The following BBOF1 variants were observed in gnomAD, a reference collection of about 807,000 sequenced individuals.
BBOF1 encodes basal body-orientation factor 1.
BBOF1 carries 62 observed loss-of-function variants against 68.0 expected under a neutral mutation model. The observed-to-expected ratio is 0.91, with a 90% CI of 0.74 to 1.13. The LOEUF is 1.13. Ranked by LOEUF, BBOF1 falls within the 50% of genes most tolerant of loss-of-function variation. BBOF1 has a pLI of 0.00. For synonymous variants in BBOF1, 208 were observed against 198.8 expected, an observed-to-expected ratio of 1.05 and a Z score of -0.39; for missense variants, 534 against 600.1, an observed-to-expected ratio of 0.89 and a Z score of 1.15.
downstream of BBOF1, among the ~76,000 whole-genome samples, chr14:74,069,577 C>T (rs1186994212): frequency 1.3e-5 from 2 of 151,510 alleles, no homozygotes; most frequent in African/African-American, 4.8e-5. Context: ...ATGGTGAAAC[C>T]CTGTCTCTAC....
At chr14:74,052,263 C>G (rs1201489981) in intron 8 of BBOF1, among the ~76,000 whole-genome samples, 1 of 151,760 alleles carries the variant, frequency 6.6e-6, no homozygotes, top group East Asian at 1.9e-4. Context: ...ATTCTGTGTT[C>G]TATGTGACAT....
intron 11 of BBOF1, chr14:74,059,125 T>C: frequency 5.8e-6 from 1 of 173,386 alleles, no homozygotes; most frequent in Non-Finnish European, 1.2e-5. Context: ...GCAGTTGAAC[T>C]AATGGCAGAA....
At chr14:74,068,982 CT>C, downstream of BBOF1, 1 of 1,613,512 alleles carries the variant, frequency 6.2e-7, no homozygotes, top group Middle Eastern at 1.6e-4. Context: ...AAATTTACAG[CT>C]TTAAGAAGAA....
intron 1 of BBOF1, among the ~76,000 whole-genome samples, chr14:74,021,258 C>T (rs2059290451): frequency 6.6e-6 from 1 of 152,096 alleles, no homozygotes; most frequent in South Asian, 2.1e-4. Context: ...CCTTTTTCCT[C>T]TCCACCTCTA....
intron 1 of BBOF1, 123 bp downstream of exon 1, chr14:74,019,657 T>G: frequency 6.8e-7 from 1 of 1,475,952 alleles, no homozygotes; most frequent in Non-Finnish European, 9.1e-7. Flanking sequence ...TCTCCCGGCT[T>G]GTGAGGATTA....
downstream of BBOF1, chr14:74,068,954 T>C: frequency 6.2e-7 from 1 of 1,614,018 alleles, no homozygotes; most frequent in South Asian, 1.1e-5. Flanking sequence ...TGCTTTGATG[T>C]CCGGATGATC....
At chr14:74,057,540 G>T in intron 11 of BBOF1, 4 of 1,340,206 alleles carry the variant, frequency 3.0e-6, no homozygotes, top group Non-Finnish European at 3.9e-6. Context: ...TATCTTTTAC[G>T]TAAGAGTAAA....
intron 1 of BBOF1, among the ~76,000 whole-genome samples, chr14:74,020,104 A>G (rs1252439591): frequency 6.6e-6 from 1 of 152,230 alleles, no homozygotes; most frequent in East Asian, 1.9e-4. Flanking sequence ...AAAAACAAAA[A>G]TCACCTGTAG....
rs150649694 is a variant in BBOF1, at chr14:74,059,461, C to T, written c.1578+2203C>T. The T allele has an allele frequency of 6.2e-3, 2,742 of 443,418 alleles. 60 individuals carry two copies. The highest frequency in any genetic ancestry group is 0.048 in the African/African-American group (2,362 of 49,374). 27.5% of individuals were successfully genotyped at this position (443,418 alleles called of 1,614,324 possible). A position where few individuals can be genotyped will look rare whatever the true frequency, so the allele number is the denominator to read the frequency against. On this transcript the variant is annotated intron_variant, in intron 11 of 11. Transcript: ENST00000394009. The stretch of plus-strand genomic sequence containing the variant: ...CTGTAATCCCAGCACTTTGGGAGGC[C>T]GAGGCAGGCGGATCACCTGAGGTCA...
At chr14:74,057,743 C>T in intron 11 of BBOF1, 1 of 1,159,186 alleles carries the variant, frequency 8.6e-7, no homozygotes, top group Non-Finnish European at 1.1e-6. Context: ...TCAAATGAAG[C>T]CACATTAGAA....
Position 74,071,772 on chromosome 14 carries a change from T to A in BBOF1, n.1380-6424T>A. 10 of 1,465,060 alleles carry A rather than the reference T, an allele frequency of 6.8e-6. No homozygotes were observed. The South Asian group carries it at 1.0e-4, about 15-fold the overall frequency. 90.8% of individuals were successfully genotyped at this position (1,465,060 alleles called of 1,614,324 possible). A position where few individuals can be genotyped will look rare whatever the true frequency, so the allele number is the denominator to read the frequency against. ...GAATACTGCCATTTTTCACAAGTAT[T>A]AAAAAAGATATCATGGGATGGCAAA... On this transcript the variant is annotated intron_variant and non_coding_transcript_variant, in intron 9 of 12. Coordinates refer to the BBOF1 transcript ENST00000492026.
chr14:74,046,134 A>G lies in BBOF1; in HGVS notation c.647+4A>G. 6.2e-7 allele frequency: 1 copy of G among 1,601,590 alleles called. No individual in the cohort carries two copies. The highest frequency in any genetic ancestry group is 1.3e-5 in the African/African-American group (1 of 74,792). ...GAGCCCACCATGAGGCTATTGTGTA[A>G]GAGACTGCTGCCTACTTTCTGACTC... On this transcript the variant is annotated splice_donor_region_variant and intron_variant, in intron 6 of 11. Transcript: ENST00000394009.
At chr14:74,047,882 G>A (rs1377707343) in intron 6 of BBOF1, 48 bp from the exon 7 acceptor site, 10 of 1,514,584 alleles carry the variant, frequency 6.6e-6, no homozygotes, top group Admixed American at 2.4e-5. Flanking sequence ...CTATTTTGGC[G>A]ATATCTAAAA....
intron 3 of BBOF1, 96 bp downstream of exon 3, chr14:74,029,345 T>A: frequency 2.7e-6 from 2 of 738,014 alleles, no homozygotes; most frequent in Non-Finnish European, 4.7e-6. Context: ...AGTGAGTAAG[T>A]TCTCTGGGCA....
chr14:74,019,548 AC>A lies in BBOF1; in HGVS notation c.56+17del. ...CAAAGACACGAAGTAAGGAGAAGCC[AC>A]CCGAGAGTCCCCTCTCCCTGGGCCT... is the stretch of plus-strand genomic sequence containing the variant. On this transcript the variant is annotated intron_variant, in intron 1 of 11. Coordinates refer to ENST00000394009, the MANE Select transcript of BBOF1 (RefSeq NM_025057.3). 1 of 1,586,402 alleles carries A rather than the reference AC, an allele frequency of 6.3e-7. No individual in the cohort carries two copies. Among genetic ancestry groups the A allele is most frequent in the Non-Finnish European group, 8.6e-7 (1 of 1,166,674 alleles).
At chr14:74,031,285 G>T (rs1243499480) in intron 3 of BBOF1, among the ~76,000 whole-genome samples, 1 of 151,906 alleles carries the variant, frequency 6.6e-6, no homozygotes, top group Admixed American at 6.6e-5. Flanking sequence ...GCAAATTTTT[G>T]TATTTTTTGT....
At chr14:74,026,214 G>A (rs1226886714) in intron 2 of BBOF1, among the ~76,000 whole-genome samples, 8 of 151,376 alleles carry the variant, frequency 5.3e-5, no homozygotes, top group East Asian at 1.9e-4. Context: ...AGTCCAAGGC[G>A]GGTGGATTAC....
intron 11 of BBOF1, chr14:74,057,723 C>A: frequency 4.3e-6 from 5 of 1,174,256 alleles, no homozygotes; most frequent in Non-Finnish European, 5.3e-6. Context: ...AATGTAGAAT[C>A]TGAGAAATTT....
chr14:74,022,654 C>T (rs1289955268), intron 1 of BBOF1, among the ~76,000 whole-genome samples: 1 of 152,174 alleles, frequency 6.6e-6, no homozygotes, highest in African/African-American at 2.4e-5. Context: ...GACTCCCCTC[C>T]TCCAGGAAGA....
Sources: allele counts gnomAD v4.1 joint callset (sites outside exome capture counted in the v4.1 genomes callset), GRCh38; gene constraint gnomAD v4.1.1; transcripts MANE v1.5; gene names NCBI Gene and HGNC (gene_info 2026-07-23, HGNC 2026-07-21).